Variants in HTR1F observed in about 807,000 individuals in gnomAD.
The protein encoded by HTR1F is 5-hydroxytryptamine (serotonin) receptor 1F, G protein-coupled.
Under a neutral mutation model 24.0 loss-of-function variants are expected in HTR1F, and 17 were observed. The ratio of observed to expected loss-of-function variants is 0.71; its 90% CI spans 0.48 to 1.06. HTR1F has a LOEUF of 1.06. HTR1F is among the 50% of genes least tolerant of loss of function. The pLI, the probability that HTR1F is intolerant of heterozygous loss-of-function variation, is 0.00. For missense variants in HTR1F, 391 were observed against 427.8 expected (o/e 0.91, Z 0.76); for synonymous variants, 186 against 156.8 (o/e 1.19, Z -1.39).
At chr3:87,793,296 T>G (rs1374669319) in intron 1 of HTR1F, 1 of 150,804 alleles carries the variant, frequency 6.6e-6, no homozygotes, top group East Asian at 2.0e-4. Context: ...CGAATCCATC[T>G]CTCGGTGGGA....
intron 2 of HTR1F, among the ~76,000 whole-genome samples, chr3:87,967,703 A>C (rs1168107241): frequency 6.6e-6 from 1 of 152,128 alleles, no homozygotes; most frequent in Non-Finnish European, 1.5e-5. Context: ...CTTGCCTGGC[A>C]CCATGGAAGA....
rs1056928570 is a variant in HTR1F, at chr3:87,919,700, T to TA, written c.-42-71001dup. On this transcript the variant is annotated intron_variant, in intron 2 of 2. Coordinates refer to ENST00000319595, the MANE Select transcript of HTR1F (RefSeq NM_001322209.2). Reference sequence around the variant, plus strand: ...CTTACTCCAGCAAGAATGGCCATAATAAAAAAATCAGCAAATAGTAGATGT... The same window carrying TA: ...CTTACTCCAGCAAGAATGGCCATAATAAAAAAAATCAGCAAATAGTAGATGT... 2.0e-4 allele frequency among the ~76,000 whole-genome samples: 30 copies of TA among 152,044 alleles called. No homozygotes were observed. The Middle Eastern group carries it at 0.01, about 52-fold the overall frequency.
At chr3:87,969,345 G>A (rs1321746991) in intron 2 of HTR1F, among the ~76,000 whole-genome samples, 3 of 152,226 alleles carry the variant, frequency 2.0e-5, no homozygotes, top group African/African-American at 4.8e-5. Context: ...CCGGGAGGGA[G>A]GCTGTACCCT....
chr3:87,848,232 A>C (rs1342456937), intron 2 of HTR1F, among the ~76,000 whole-genome samples: 2 of 151,832 alleles, frequency 1.3e-5, no homozygotes, highest in Non-Finnish European at 2.9e-5. Context: ...ATGATAGCTC[A>C]TTGCGGTTTT....
intron 2 of HTR1F, among the ~76,000 whole-genome samples, chr3:87,828,711 T>C (rs1389230179): frequency 6.6e-6 from 1 of 152,236 alleles, no homozygotes; most frequent in Non-Finnish European, 1.5e-5. Flanking sequence ...ATCTTCATTT[T>C]AGTTTTATAA....
At chr3:87,933,332 T>C (rs1209887432) in intron 2 of HTR1F, among the ~76,000 whole-genome samples, 9 of 151,074 alleles carry the variant, frequency 6.0e-5, no homozygotes, top group South Asian at 2.1e-4. Context: ...CTATTCAACA[T>C]AGTGTTGGAA....
At position 87,798,538 on chromosome 3, in the gene HTR1F, C is replaced by G. The variant is rs912508397; in HGVS notation, c.-160+5696C>G. On this transcript the variant is annotated intron_variant, in intron 1 of 2. Transcript: ENST00000319595. The stretch of plus-strand genomic sequence containing the variant: ...GCAAAACTCTCATGACCCTGACCCC[C>G]CTCCACCCGCCGTAGCTAGAGTCCC... 1.1e-4 allele frequency among the ~76,000 whole-genome samples: 16 copies of G among 152,000 alleles called. 1 individual carries two copies. The highest frequency in any genetic ancestry group is 2.2e-4 in the African/African-American group (9 of 41,384).
chr3:87,878,429 TCC>T (rs1358644623), intron 2 of HTR1F, among the ~76,000 whole-genome samples: 1 of 152,158 alleles, frequency 6.6e-6, no homozygotes, highest in Admixed American at 6.6e-5. Context: ...AAAAATGATT[TCC>T]AGCAGGACAG....
chr3:87,822,284 T>C (rs1704375527), intron 2 of HTR1F, among the ~76,000 whole-genome samples, 160 bp downstream of exon 2: 1 of 152,172 alleles, frequency 6.6e-6, no homozygotes. Context: ...TGATCATTGG[T>C]TCACTAATGG....
chr3:87,973,045 C>A (rs1705319230), intron 2 of HTR1F, among the ~76,000 whole-genome samples: 1 of 151,692 alleles, frequency 6.6e-6, no homozygotes. Context: ...GTGGTGTGCA[C>A]CTGTAATCCC....
At chr3:87,874,737 C>T (rs1285026730) in intron 2 of HTR1F, among the ~76,000 whole-genome samples, 1 of 152,022 alleles carries the variant, frequency 6.6e-6, no homozygotes, top group African/African-American at 2.4e-5. Flanking sequence ...CAGTTCCTGT[C>T]TTCAAAACAT....
chr3:87,806,445 C>A (rs1477464263), intron 1 of HTR1F, among the ~76,000 whole-genome samples: 9 of 151,918 alleles, frequency 5.9e-5, no homozygotes, highest in Admixed American at 2.0e-4. Flanking sequence ...TGGGGTAAAA[C>A]AATAACTCAC....
chr3:87,808,807 G>A (rs1384525729), intron 1 of HTR1F, among the ~76,000 whole-genome samples: 2 of 151,736 alleles, frequency 1.3e-5, no homozygotes, highest in African/African-American at 4.8e-5. Flanking sequence ...GATACGTTGT[G>A]TTTGAATTTT....
chr3:87,990,828 T>C lies in HTR1F; in HGVS notation c.79T>C (p.Ser27Pro). 1 of 1,614,050 alleles carries C rather than the reference T, an allele frequency of 6.2e-7. No individual in the cohort carries two copies. The highest frequency in any genetic ancestry group is 8.5e-7 in the Non-Finnish European group (1 of 1,179,906). The change falls in exon 3 of 3, where the codon TCC (serine) becomes CCC (proline). Residue 27 changes from serine to proline, a missense_variant. Ser to Pro is a moderately conservative substitution (Grantham distance 74). Coordinates refer to ENST00000319595, the MANE Select transcript of HTR1F (RefSeq NM_001322209.2). ...CAGAATGCCATCCAAAATTCTGGTG[T>C]CCCTCACTCTGTCTGGGCTGGCACT... ...LNRMPSKILV[S>P]LTLSGLALMT...
At chr3:87,797,649 G>T (rs538912856) in intron 1 of HTR1F, among the ~76,000 whole-genome samples, 4 of 148,382 alleles carry the variant, frequency 2.7e-5, no homozygotes, top group Admixed American at 1.3e-4. Flanking sequence ...AAAACTTCAC[G>T]CATGAATCTG....
In HTR1F at chr3:87,990,894, A is replaced by G; in HGVS notation, c.145A>G (p.Ile49Val). Residue 49 changes from isoleucine to valine, a missense_variant, in exon 3 of 3, where the codon ATT (isoleucine) becomes GTT (valine). Coordinates refer to ENST00000319595, the MANE Select transcript of HTR1F (RefSeq NM_001322209.2). ...TINSLVIAAIIVTRKLHHPAN... is the reference protein window; with the variant it reads ...TINSLVIAAIVVTRKLHHPAN... ...CAACTCCCTTGTGATCGCTGCAATT[A>G]TTGTGACCCGGAAGCTGCACCATCC... The G allele has an allele frequency of 6.2e-7, 1 of 1,614,184 alleles. No homozygotes were observed. Among genetic ancestry groups the G allele is most frequent in the Non-Finnish European group, 8.5e-7 (1 of 1,180,026 alleles).
chr3:87,846,980 G>A (rs1340995751), intron 2 of HTR1F, among the ~76,000 whole-genome samples: 1 of 151,172 alleles, frequency 6.6e-6, no homozygotes, highest in Non-Finnish European at 1.5e-5. Flanking sequence ...CATTTTTGTA[G>A]ATAAATATAT....
At chr3:87,866,774 C>T (rs2938272) in intron 2 of HTR1F, among the ~76,000 whole-genome samples, 38,154 of 150,786 alleles carry the variant, frequency 0.25, 7,781 homozygotes, top group African/African-American at 0.56. Context: ...GAAAATTGTT[C>T]GGGTTAGAAT....
intron 2 of HTR1F, among the ~76,000 whole-genome samples, chr3:87,883,068 G>A (rs577380030): frequency 6.6e-6 from 1 of 152,196 alleles, no homozygotes; most frequent in East Asian, 2.0e-4. Context: ...ACCTCATACA[G>A]GTGGGTGCCC....
Sources: allele counts gnomAD v4.1 joint callset (sites outside exome capture counted in the v4.1 genomes callset), GRCh38; gene constraint gnomAD v4.1.1; transcripts MANE v1.5; gene names NCBI Gene and HGNC (gene_info 2026-07-23, HGNC 2026-07-21).